Variants in AFF1 observed in about 807,000 individuals in gnomAD.
AFF1 encodes the protein ALF transcription elongation factor 1, also known as AF4/FMR2 family member 1.
Under a neutral mutation model 121.7 loss-of-function variants are expected in AFF1, and 48 were observed. The observed-to-expected ratio is 0.39, with a 90% confidence interval of 0.31 to 0.50. The LOEUF (loss-of-function observed/expected upper bound fraction) is 0.50, where lower values mean the gene tolerates loss of function less well. Among genes scored for constraint, AFF1 ranks in the 20% least tolerant of loss-of-function variants. The pLI is 0.76. For synonymous variants in AFF1, 613 were observed against 563.0 expected, an observed-to-expected ratio of 1.09 and a Z score of -1.26; for missense variants, 1,523 against 1,511.7, an observed-to-expected ratio of 1.01 and a Z score of -0.12.
chr4:87,053,356 C>T (rs1023798018), intron 4 of AFF1, among the ~76,000 whole-genome samples: 4 of 152,190 alleles, frequency 2.6e-5, no homozygotes, highest in African/African-American at 9.6e-5. Context: ...TGATTCATTG[C>T]AGCTCTTAAA....
intron 2 of AFF1, among the ~76,000 whole-genome samples, chr4:86,987,686 G>A (rs890953963): frequency 4.6e-5 from 7 of 152,198 alleles, no homozygotes; most frequent in Non-Finnish European, 8.8e-5. Context: ...CAGGCACAGT[G>A]GTCATGCCTG....
intron 4 of AFF1, 193 bp downstream of exon 4, chr4:87,047,787 T>A: frequency 1.3e-6 from 1 of 778,392 alleles, no homozygotes; most frequent in Non-Finnish European, 2.2e-6. Context: ...TTATAGATAT[T>A]GAAATGCAGT....
intron 2 of AFF1, among the ~76,000 whole-genome samples, chr4:87,019,310 G>A (rs1190009589): frequency 6.6e-6 from 1 of 152,156 alleles, no homozygotes; most frequent in Non-Finnish European, 1.5e-5. Context: ...TAATGGTGGG[G>A]CACTTTAGGC....
rs113509114 is a variant in AFF1 at position 87,020,844 on chromosome 4, G to C, written c.39-25322G>C. 9 of 984,788 alleles carry C rather than the reference G, an allele frequency of 9.1e-6. 1 individual carries two copies. The highest frequency in any genetic ancestry group is 1.1e-4 in the East Asian group (1 of 8,802). 61.0% of individuals were successfully genotyped at this position (984,788 alleles called of 1,614,324 possible). On this transcript the variant is annotated intron_variant, in intron 2 of 20. Transcript: ENST00000395146. ...TAACGTCGTCTTTTCAAATTGTCCT[G>C]TTTGGCAATATTAGTTTTTAATGTA...
intron 4 of AFF1, among the ~76,000 whole-genome samples, chr4:87,083,250 T>G (rs1478460145): frequency 6.6e-6 from 1 of 152,234 alleles, no homozygotes; most frequent in Non-Finnish European, 1.5e-5. Flanking sequence ...ATTATTTGTT[T>G]AGCTGGGTAT....
chr4:86,991,527 G>A (rs1316922387), intron 2 of AFF1, among the ~76,000 whole-genome samples: 1 of 151,874 alleles, frequency 6.6e-6, no homozygotes, highest in Non-Finnish European at 1.5e-5. Flanking sequence ...GAAAAATACT[G>A]TTGAAATTGT....
rs1720139932 is a variant in AFF1, at chr4:86,937,800, G to T, written c.-37+2560G>T. Among the ~76,000 whole-genome samples, 2 of 145,250 alleles carry T rather than the reference G, an allele frequency of 1.4e-5. 1 individual carries two copies. ...CTTGGGGTGGGGGTGGGGGTGGGGG[G>T]CTCCCTATGTTACCCAGGTGGGTCT... On this transcript the variant is annotated intron_variant, in intron 1 of 20. Transcript: ENST00000395146.
Position 87,138,194 on chromosome 4 carries a change from T to C in AFF1, c.*2493T>C, listed in dbSNP as rs1230747545. ...TAATGGTAACCTTTTTAATAGAGTA[T>C]GTGAAAGGTAGTGGCTGATGAATCC... On this transcript the variant is annotated 3_prime_UTR_variant, in exon 21 of 21. Transcript: ENST00000395146. The C allele has an allele frequency of 1.3e-5, 3 of 232,656 alleles. No individual in the cohort carries two copies. The highest frequency in any genetic ancestry group is 5.6e-5 in the Admixed American group (1 of 17,776). 14.4% of individuals were successfully genotyped at this position (232,656 alleles called of 1,614,324 possible).
At chr4:86,998,791 G>A (rs1185642166) in intron 2 of AFF1, among the ~76,000 whole-genome samples, 7 of 152,172 alleles carry the variant, frequency 4.6e-5, no homozygotes, top group Admixed American at 4.6e-4. Context: ...GGAGGAATTA[G>A]AGATCAGTGT....
chr4:87,021,009 C>T (rs1023664287), intron 2 of AFF1, among the ~76,000 whole-genome samples: 11 of 152,154 alleles, frequency 7.2e-5, no homozygotes, highest in African/African-American at 2.4e-4. Context: ...CCCCAAGACT[C>T]ACCATTCTGT....
chr4:87,019,091 A>G (rs1727630056), intron 2 of AFF1, among the ~76,000 whole-genome samples: 1 of 152,222 alleles, frequency 6.6e-6, no homozygotes, highest in East Asian at 1.9e-4. Context: ...CCAAAAATAG[A>G]TCTTGAAGAG....
rs1729457510 is a variant in AFF1 at position 87,138,290 on chromosome 4, C to T, written c.*2589C>T. On this transcript the variant is annotated 3_prime_UTR_variant, in exon 21 of 21. Transcript: ENST00000395146. ...TCTGAAGGATTTTTAAAATGATTTG[C>T]ACTTTTTCACTGCATGCTTACAATT... The T allele has an allele frequency of 4.3e-6, 1 of 232,250 alleles. No homozygotes were observed. The highest frequency in any genetic ancestry group is 2.2e-5 in the African/African-American group (1 of 45,266). 14.4% of individuals were successfully genotyped at this position (232,250 alleles called of 1,614,324 possible).
rs559350249 is a variant in AFF1 at position 87,043,678 on chromosome 4, T to A, written c.39-2488T>A. On this transcript the variant is annotated intron_variant, in intron 2 of 20. Coordinates refer to ENST00000395146, the MANE Select transcript of AFF1 (RefSeq NM_001166693.3). ...CACGACCAGTTTCTGGTTCAGCAGC[T>A]TCTTCTTTTCAGTATTTTGACTGGC... is the stretch of plus-strand genomic sequence containing the variant. Among the ~76,000 whole-genome samples, 3 of 152,366 alleles carry A rather than the reference T, an allele frequency of 2.0e-5. No individual in the cohort carries two copies. The East Asian group carries it at 5.8e-4, about 29-fold the overall frequency.
At chr4:87,071,871 G>A (rs912484943) in intron 4 of AFF1, among the ~76,000 whole-genome samples, 9 of 152,068 alleles carry the variant, frequency 5.9e-5, no homozygotes, top group Non-Finnish European at 1.3e-4. Context: ...AGAATATTGG[G>A]GGTTATGATG....
chr4:86,956,705 G>A (rs930455606), intron 2 of AFF1, among the ~76,000 whole-genome samples: 1 of 152,112 alleles, frequency 6.6e-6, no homozygotes, highest in Non-Finnish European at 1.5e-5. Context: ...TGGCTTCTTA[G>A]GATAAAGTTT....
intron 12 of AFF1, among the ~76,000 whole-genome samples, chr4:87,119,009 G>T (rs976588060): frequency 7.3e-6 from 1 of 136,624 alleles, no homozygotes; most frequent in Non-Finnish European, 1.6e-5. Context: ...TTGTAGGGGG[G>T]ACCAATCAGA....
In AFF1 at chr4:86,949,694, C is replaced by A. The variant is rs577790804; in HGVS notation, c.38+1123C>A. ...GAGCAGGAAGGGGATGATGGGCATGCGCAGGGGCGGGTAGTCCCGGAACTC... is the reference window on the plus strand; with the variant it reads ...GAGCAGGAAGGGGATGATGGGCATGAGCAGGGGCGGGTAGTCCCGGAACTC... On this transcript the variant is annotated intron_variant, in intron 2 of 20. Coordinates refer to ENST00000395146, the MANE Select transcript of AFF1 (RefSeq NM_001166693.3). The A allele has an allele frequency of 3.8e-6, 6 of 1,574,372 alleles. No homozygotes were observed. The Admixed American group carries it at 1.1e-4, about 29-fold the overall frequency.
rs1160248097 is a variant in AFF1, at chr4:87,025,282, A to C, written c.39-20884A>C. 2.0e-5 allele frequency among the ~76,000 whole-genome samples: 3 copies of C among 152,222 alleles called. No homozygotes were observed. In the East Asian group the frequency reaches 5.8e-4, roughly 29 times the overall value. On this transcript the variant is annotated intron_variant, in intron 2 of 20. Coordinates refer to ENST00000395146, the MANE Select transcript of AFF1 (RefSeq NM_001166693.3). ...AACACTAGGCACTGGGCTCAGCACTATGTCTGCATTAGTTAATGTAATTAT... is the reference window on the plus strand; with the variant it reads ...AACACTAGGCACTGGGCTCAGCACTCTGTCTGCATTAGTTAATGTAATTAT...
chr4:86,949,836 C>T, intron 2 of AFF1: 1 of 1,613,922 alleles, frequency 6.2e-7, no homozygotes, highest in Non-Finnish European at 8.5e-7. Context: ...ATCCAGGACC[C>T]CACCTCGTAG....
Sources: allele counts gnomAD v4.1 joint callset (sites outside exome capture counted in the v4.1 genomes callset), GRCh38; gene constraint gnomAD v4.1.1; transcripts MANE v1.5; gene names NCBI Gene and HGNC (gene_info 2026-07-23, HGNC 2026-07-21).